DENND5A: variants seen among roughly 807,000 people sequenced by gnomAD.
The protein encoded by DENND5A is DENN domain-containing protein 5A.
A neutral mutation model predicts 140.3 loss-of-function variants in DENND5A; 64 were observed. The observed-to-expected ratio is 0.46, with a 90% CI of 0.37 to 0.56. DENND5A has a LOEUF of 0.56. DENND5A is among the 20% of genes least tolerant of loss of function. The pLI is 0.00. For missense variants in DENND5A, 1,292 were observed against 1,593.8 expected (o/e 0.81, Z 3.22); for synonymous variants, 605 against 607.7 (o/e 1.00, Z 0.07).
chr11:9,206,548 A>G, intron 3 of DENND5A, 125 bp downstream of exon 3: 1 of 720,982 alleles, frequency 1.4e-6, no homozygotes, highest in South Asian at 1.6e-5. Context: ...AACAATATGC[A>G]TTATAATCCT....
chr11:9,146,961 T>C, intron 16 of DENND5A, 69 bp downstream of exon 16: 1 of 1,536,686 alleles, frequency 6.5e-7, no homozygotes, highest in South Asian at 1.1e-5. Flanking sequence ...AAGGGGACAA[T>C]GAGTGAGTCT....
intron 4 of DENND5A, among the ~76,000 whole-genome samples, chr11:9,199,546 T>TA (rs1399057154): frequency 2.0e-5 from 3 of 152,092 alleles, no homozygotes; most frequent in African/African-American, 4.8e-5. Flanking sequence ...ATTATGCTAT[T>TA]AAAAAAACAC....
At chr11:9,178,023 C>CA in intron 8 of DENND5A, 109 bp downstream of exon 8, 2 of 791,686 alleles carry the variant, frequency 2.5e-6, no homozygotes, top group Admixed American at 4.0e-5. Context: ...CAATGGGAAC[C>CA]ACATACACAA....
At chr11:9,144,688 C>A (rs1282087423) in intron 18 of DENND5A, among the ~76,000 whole-genome samples, 1 of 151,726 alleles carries the variant, frequency 6.6e-6, no homozygotes, top group Non-Finnish European at 1.5e-5. Flanking sequence ...ACTCGGGGAG[C>A]TGAGGCAGGA....
At position 9,144,136 on chromosome 11, in the gene DENND5A, T is replaced by A; in HGVS notation, c.3265A>T (p.Ile1089Phe). Residue 1089 changes from isoleucine (I) to phenylalanine (F), a missense_variant, in exon 19 of 23, where the codon ATC becomes TTC. By Grantham distance (21) the Ile-to-Phe change is conservative. This residue lies in a region of DENND5A where 498 missense variants were observed against 689.7 expected (regional missense o/e 0.72). Coordinates refer to ENST00000328194, the MANE Select transcript of DENND5A (RefSeq NM_015213.4). ...TPPLQQSPSV[I>F]RRLVTISPNN... ...GGTGAGATGGTAACAAGCCTCCGGA[T>A]GACACTGGGGGACTGCTGCAGCGGC... The A allele has an allele frequency of 6.2e-7, 1 of 1,614,038 alleles. No homozygotes were observed.
chr11:9,225,211 T>G (rs1410799889), intron 1 of DENND5A, among the ~76,000 whole-genome samples: 1 of 152,136 alleles, frequency 6.6e-6, no homozygotes, highest in East Asian at 1.9e-4. Context: ...CAACTAAAAG[T>G]GTTACATTTT....
At position 9,164,062 on chromosome 11, in the gene DENND5A, T is replaced by G. The variant is rs959737766; in HGVS notation, c.2283+1774A>C. Reference sequence around the variant, plus strand: ...GTACTGATATATTAATCAGGTTTTTTTTTTTTTTTTTTTTTTTTTTTTTTT... The same window carrying G: ...GTACTGATATATTAATCAGGTTTTTGTTTTTTTTTTTTTTTTTTTTTTTTT... On this transcript the variant is annotated intron_variant, in intron 11 of 22. Coordinates refer to ENST00000328194, the MANE Select transcript of DENND5A (RefSeq NM_015213.4). Among the ~76,000 whole-genome samples the G allele has an allele frequency of 1.0e-4, 8 of 77,370 alleles. 1 individual carries two copies. The highest frequency in any genetic ancestry group is 4.2e-4 in the African/African-American group (7 of 16,858). 50.8% of individuals were successfully genotyped at this position (77,370 alleles called of 152,430 possible).
At chr11:9,173,875 C>A (rs747403271) in intron 8 of DENND5A, among the ~76,000 whole-genome samples, 2 of 151,900 alleles carry the variant, frequency 1.3e-5, no homozygotes, top group African/African-American at 4.8e-5. Flanking sequence ...GAGGCCGAGG[C>A]GGGCGGATCA....
rs921943698 is a variant in DENND5A, at chr11:9,164,597, A to G, written c.2283+1239T>C. On this transcript the variant is annotated intron_variant, in intron 11 of 22. Coordinates refer to ENST00000328194, the MANE Select transcript of DENND5A (RefSeq NM_015213.4). ...GAAAAGACATTTAAATTCATAATTA[A>G]AACATTAAAAATTAAGAATGAATGT... 3.9e-5 allele frequency among the ~76,000 whole-genome samples: 6 copies of G among 152,276 alleles called. No homozygotes were observed. In the East Asian group the frequency reaches 1.2e-3, roughly 29 times the overall value.
At chr11:9,173,816 A>T (rs954631416) in intron 8 of DENND5A, among the ~76,000 whole-genome samples, 2 of 152,222 alleles carry the variant, frequency 1.3e-5, no homozygotes, top group African/African-American at 2.4e-5. Flanking sequence ...CATAAAAAAA[A>T]TTGAAAGGCC....
At chr11:9,235,446 G>A (rs1457797252) in intron 1 of DENND5A, among the ~76,000 whole-genome samples, 2 of 151,838 alleles carry the variant, frequency 1.3e-5, no homozygotes, top group African/African-American at 4.8e-5. Flanking sequence ...ATCACTGGAG[G>A]TCAGAAGTTC....
intron 1 of DENND5A, among the ~76,000 whole-genome samples, chr11:9,244,735 T>C (rs1851391912): frequency 6.6e-6 from 1 of 152,054 alleles, no homozygotes; most frequent in Non-Finnish European, 1.5e-5. Context: ...GAGTGCAGTG[T>C]CACTATCTCA....
intron 14 of DENND5A, 95 bp from the exon 15 acceptor site, chr11:9,150,304 AC>A: frequency 1.4e-6 from 2 of 1,446,300 alleles, no homozygotes; most frequent in Non-Finnish European, 1.9e-6. Flanking sequence ...ACCTGCTGAG[AC>A]AGACTTATCT....
intron 1 of DENND5A, among the ~76,000 whole-genome samples, chr11:9,257,956 C>G (rs1852023493): frequency 6.6e-6 from 1 of 151,700 alleles, no homozygotes; most frequent in Non-Finnish European, 1.5e-5. Context: ...CCAGGCCCGG[C>G]TAATTTTTGT....
intron 1 of DENND5A, among the ~76,000 whole-genome samples, chr11:9,207,839 T>C (rs1849744094): frequency 6.6e-6 from 1 of 152,144 alleles, no homozygotes; most frequent in African/African-American, 2.4e-5. Context: ...TATTTCCTAC[T>C]CTATATCATT....
intron 1 of DENND5A, among the ~76,000 whole-genome samples, chr11:9,250,764 T>G (rs1333418329): frequency 6.6e-6 from 1 of 152,222 alleles, no homozygotes; most frequent in African/African-American, 2.4e-5. Flanking sequence ...GATTTCTAGC[T>G]CTGACATTTT....
intron 1 of DENND5A, among the ~76,000 whole-genome samples, chr11:9,245,717 T>C (rs966084771): frequency 6.6e-6 from 1 of 151,546 alleles, no homozygotes; most frequent in African/African-American, 2.4e-5. Context: ...CACTGCAACC[T>C]CCGCCTCCCA....
chr11:9,203,017 A>G (rs1003835844), intron 4 of DENND5A, among the ~76,000 whole-genome samples: 9 of 152,200 alleles, frequency 5.9e-5, no homozygotes, highest in Admixed American at 2.6e-4. Flanking sequence ...CACTATAGCA[A>G]CAATTTTTCT....
chr11:9,199,909 T>A (rs1245944293), intron 4 of DENND5A, among the ~76,000 whole-genome samples: 1 of 152,180 alleles, frequency 6.6e-6, no homozygotes, highest in Non-Finnish European at 1.5e-5. Flanking sequence ...TTACATCCAA[T>A]GAAAAGTAAT....
Sources: gnomAD v4.1 joint callset for allele counts (sites outside exome capture counted in the v4.1 genomes callset) on GRCh38, gnomAD v4.1.1 for gene constraint, gnomAD v4.1.1 regional missense constraint, MANE v1.5 for transcripts, NCBI Gene and HGNC (gene_info 2026-07-23, HGNC 2026-07-21) for gene names.